RAB10: variants seen among roughly 807,000 people sequenced by gnomAD.
RAB10 encodes RAB10, member RAS oncogene family, also known as ras-related protein Rab-10.
In RAB10, 5 loss-of-function variants were observed where a neutral mutation model predicts 25.7. The observed-to-expected ratio is 0.19, with a 90% CI of 0.10 to 0.41. The LOEUF (loss-of-function observed/expected upper bound fraction) is 0.41, where lower values mean the gene tolerates loss of function less well. RAB10 is among the 10% of genes least tolerant of loss of function. RAB10 has a pLI of 1.00. For synonymous variants in RAB10, 89 were observed against 86.4 expected (o/e 1.03, Z -0.16); for missense variants, 103 against 245.8 (o/e 0.42, Z 3.89).
At chr2:26,057,900 A>G (rs1666301962) in intron 1 of RAB10, among the ~76,000 whole-genome samples, 1 of 152,298 alleles carries the variant, frequency 6.6e-6, no homozygotes, top group African/African-American at 2.4e-5. Context: ...CTGGGATTAC[A>G]GGTGTGAGCC....
chr2:26,123,748 T>C (rs1667851120), intron 3 of RAB10, among the ~76,000 whole-genome samples: 1 of 152,226 alleles, frequency 6.6e-6, no homozygotes, highest in African/African-American at 2.4e-5. Context: ...TTAGACTTAC[T>C]GTACAACATG....
chr2:26,037,139 T>A (rs181277953), intron 1 of RAB10, among the ~76,000 whole-genome samples: 58 of 152,276 alleles, frequency 3.8e-4, no homozygotes, highest in Non-Finnish European at 1.5e-4. Context: ...ATTAACTCTG[T>A]CTACTCCAAT....
At position 26,034,593 on chromosome 2, in the gene RAB10, C is replaced by T. The variant is rs770262079; in HGVS notation, c.-16C>T. 9.9e-5 allele frequency: 159 copies of T among 1,612,078 alleles called. No homozygotes were observed. Among genetic ancestry groups the T allele is most frequent in the Middle Eastern group, 6.2e-4 (3 of 4,858 alleles). On this transcript the variant is annotated 5_prime_UTR_variant, in exon 1 of 6. Transcript: ENST00000264710. ...CTTGGGGCCGCCGGCGGCGAGAGCC[C>T]GAGCCGCTCCTCCCAATGGCGAAGA...
At chr2:26,107,722 G>A (rs373738212) in intron 2 of RAB10, among the ~76,000 whole-genome samples, 11 of 151,988 alleles carry the variant, frequency 7.2e-5, no homozygotes, top group African/African-American at 2.7e-4. Context: ...CTTGAACCCA[G>A]GAGGCAGAGG....
chr2:26,134,725 T>C (rs1668074410), intron 5 of RAB10, among the ~76,000 whole-genome samples: 1 of 152,166 alleles, frequency 6.6e-6, no homozygotes, highest in South Asian at 2.1e-4. Context: ...TGCCAGGAAA[T>C]GTCTACAATA....
chr2:26,121,042 G>C (rs1667793869), intron 3 of RAB10, among the ~76,000 whole-genome samples: 1 of 152,034 alleles, frequency 6.6e-6, no homozygotes, highest in African/African-American at 2.4e-5. Context: ...CTCCCAAGTA[G>C]CTGAGATTAC....
At chr2:26,105,580 G>A (rs988841408) in intron 2 of RAB10, among the ~76,000 whole-genome samples, 5 of 151,996 alleles carry the variant, frequency 3.3e-5, no homozygotes, top group Non-Finnish European at 5.9e-5. Flanking sequence ...ACTTGAACCC[G>A]GGAGGTGGAG....
chr2:26,137,362 A>AT lies in RAB10; in HGVS notation c.*2343dup, dbSNP rs1177729097. 1.0e-4 allele frequency: 16 copies of AT among 152,804 alleles called. No individual in the cohort carries two copies. The highest frequency in any genetic ancestry group is 3.6e-4 in the African/African-American group (15 of 41,586). The allele number at this position is 152,804 out of a possible 1,614,324, so 9.5% of individuals were successfully genotyped here. A position where few individuals can be genotyped will look rare whatever the true frequency, so the allele number is the denominator to read the frequency against. ...GTCCATTCTCTGGTACTAGCTACAA[A>AT]TTCGGTTTCATATTCTACTTAACAA... On this transcript the variant is annotated 3_prime_UTR_variant, in exon 6 of 6. Coordinates refer to ENST00000264710, the MANE Select transcript of RAB10 (RefSeq NM_016131.5).
upstream of RAB10, among the ~76,000 whole-genome samples, chr2:26,033,562 A>G (rs1455517328): frequency 1.3e-5 from 2 of 152,204 alleles, no homozygotes; most frequent in African/African-American, 4.8e-5. Flanking sequence ...GTTCTAGCAA[A>G]GAGGCTATTA....
chr2:26,127,369 T>A (rs1010726302), intron 4 of RAB10, 136 bp downstream of exon 4: 1 of 686,514 alleles, frequency 1.5e-6, no homozygotes, highest in Non-Finnish European at 2.4e-6. Flanking sequence ...GGAAATAATA[T>A]TTTATCATTT....
At chr2:26,049,733 G>A (rs13388915) in intron 1 of RAB10, among the ~76,000 whole-genome samples, 5,343 of 152,136 alleles carry the variant, frequency 0.035, 308 homozygotes, top group African/African-American at 0.12. Context: ...ATCTCATCCC[G>A]CTCTCTGTTT....
intron 5 of RAB10, among the ~76,000 whole-genome samples, chr2:26,128,904 A>G (rs974109402): frequency 6.6e-6 from 1 of 152,202 alleles, no homozygotes; most frequent in African/African-American, 2.4e-5. Flanking sequence ...GGTATAATGC[A>G]TGGATTTGGT....
At chr2:26,124,873 A>G (rs1278283200) in intron 3 of RAB10, among the ~76,000 whole-genome samples, 7 of 152,182 alleles carry the variant, frequency 4.6e-5, no homozygotes, top group Admixed American at 3.9e-4. Context: ...TTCAATTTGT[A>G]AGTAATTTAC....
intron 5 of RAB10, 73 bp from the exon 6 acceptor site, chr2:26,134,865 A>G: frequency 1.7e-6 from 2 of 1,197,272 alleles, no homozygotes; most frequent in Admixed American, 2.0e-5. Flanking sequence ...ACATAAGAAT[A>G]TTCCTGTTGA....
At chr2:26,086,037 C>T (rs1043546389) in intron 1 of RAB10, among the ~76,000 whole-genome samples, 6 of 132,686 alleles carry the variant, frequency 4.5e-5, no homozygotes, top group African/African-American at 1.7e-4. Flanking sequence ...CAAAGGGGCC[C>T]GATGCGGTAG....
At chr2:26,061,978 A>G (rs1215510268) in intron 1 of RAB10, among the ~76,000 whole-genome samples, 1 of 152,174 alleles carries the variant, frequency 6.6e-6, no homozygotes, top group Non-Finnish European at 1.5e-5. Flanking sequence ...GAAACAGCAA[A>G]GTCTCTTACC....
At chr2:26,048,054 T>C (rs1332057283) in intron 1 of RAB10, among the ~76,000 whole-genome samples, 1 of 151,866 alleles carries the variant, frequency 6.6e-6, no homozygotes, top group Non-Finnish European at 1.5e-5. Context: ...TTTTTTTTTT[T>C]TTAAATTGTT....
rs149435206 is a variant in RAB10 at position 26,120,430 on chromosome 2, T to C, written c.328-6714T>C. 2.9e-3 allele frequency among the ~76,000 whole-genome samples: 443 copies of C among 152,334 alleles called. 2 individuals carry two copies. Among genetic ancestry groups the C allele is most frequent in the African/African-American group, 0.01 (431 of 41,588 alleles). On this transcript the variant is annotated intron_variant, in intron 3 of 5. Coordinates refer to ENST00000264710, the MANE Select transcript of RAB10 (RefSeq NM_016131.5). The stretch of plus-strand genomic sequence containing the variant: ...CGAAGTCCATCCTTAGATTCTGAGA[T>C]CAAAATGCCTCTTACTTTTAGCACA...
chr2:26,079,752 A>G (rs1188022633), intron 1 of RAB10, among the ~76,000 whole-genome samples: 1 of 151,116 alleles, frequency 6.6e-6, no homozygotes, highest in Non-Finnish European at 1.5e-5. Context: ...TGAAGCCTCA[A>G]CTTCATGGGC....
Sources: gnomAD v4.1 joint callset for allele counts (sites outside exome capture counted in the v4.1 genomes callset) on GRCh38, gnomAD v4.1.1 for gene constraint, MANE v1.5 for transcripts, NCBI Gene and HGNC (gene_info 2026-07-23, HGNC 2026-07-21) for gene names.